LRRTM4: variants seen among roughly 807,000 people sequenced by gnomAD.
The protein encoded by LRRTM4 is leucine-rich repeat transmembrane neuronal protein 4.
LRRTM4 carries 25 observed loss-of-function variants against 47.6 expected under a neutral mutation model. That is an observed-to-expected ratio of 0.53 (90% CI 0.38 to 0.73). LRRTM4 has a LOEUF of 0.73. Among genes scored for constraint, LRRTM4 ranks in the 30% least tolerant of loss-of-function variants. The pLI is 0.00. For synonymous variants in LRRTM4, 311 were observed against 269.5 expected, an observed-to-expected ratio of 1.15 and a Z score of -1.51; for missense variants, 638 against 713.4, an observed-to-expected ratio of 0.89 and a Z score of 1.20.
chr2:77,205,338 T>C (rs1674092555), intron 3 of LRRTM4, among the ~76,000 whole-genome samples: 1 of 151,612 alleles, frequency 6.6e-6, no homozygotes, highest in Admixed American at 6.6e-5. Context: ...TGGAAGAAAA[T>C]AATATTGGGT....
chr2:76,935,446 T>C (rs550479380), intron 3 of LRRTM4, among the ~76,000 whole-genome samples: 24 of 152,072 alleles, frequency 1.6e-4, no homozygotes, highest in Non-Finnish European at 2.7e-4. Flanking sequence ...TTGGGCAGTA[T>C]GGCCATTTTC....
chr2:77,083,191 C>T (rs990483474), intron 3 of LRRTM4, among the ~76,000 whole-genome samples: 2 of 152,056 alleles, frequency 1.3e-5, no homozygotes, highest in Non-Finnish European at 2.9e-5. Context: ...GGTGGAATTC[C>T]ATGAAGGACA....
At chr2:77,176,905 T>G (rs1282433227) in intron 3 of LRRTM4, among the ~76,000 whole-genome samples, 2 of 152,124 alleles carry the variant, frequency 1.3e-5, no homozygotes, top group African/African-American at 4.8e-5. Flanking sequence ...TTGTGCTCAC[T>G]GGTCGTTATA....
intron 3 of LRRTM4, among the ~76,000 whole-genome samples, chr2:77,311,848 T>C (rs1228998230): frequency 1.3e-5 from 2 of 152,210 alleles, no homozygotes; most frequent in Admixed American, 1.3e-4. Flanking sequence ...AAAATAAAAT[T>C]AGAGTGGTCA....
chr2:77,361,464 T>C (rs556590004), intron 3 of LRRTM4, among the ~76,000 whole-genome samples: 1 of 152,280 alleles, frequency 6.6e-6, no homozygotes, highest in Non-Finnish European at 1.5e-5. Context: ...CTGTCTGTTT[T>C]GGCTTAATCT....
At chr2:77,172,150 C>G (rs1673065585) in intron 3 of LRRTM4, among the ~76,000 whole-genome samples, 1 of 152,032 alleles carries the variant, frequency 6.6e-6, no homozygotes, top group Non-Finnish European at 1.5e-5. Flanking sequence ...TAAAATAAGC[C>G]ATAAATATAA....
intron 3 of LRRTM4, among the ~76,000 whole-genome samples, chr2:77,485,139 T>C (rs1677858706): frequency 6.6e-6 from 1 of 152,046 alleles, no homozygotes; most frequent in African/African-American, 2.4e-5. Context: ...GATAATTTAC[T>C]AGACTCCTAA....
intron 3 of LRRTM4, among the ~76,000 whole-genome samples, chr2:77,156,985 A>G (rs1218763279): frequency 1.3e-5 from 2 of 151,972 alleles, no homozygotes; most frequent in East Asian, 3.8e-4. Context: ...TTACTATTCA[A>G]CTAACCTTTA....
chr2:77,004,616 G>A (rs1558791930), intron 3 of LRRTM4, among the ~76,000 whole-genome samples: 1 of 152,184 alleles, frequency 6.6e-6, no homozygotes, highest in Admixed American at 6.5e-5. Flanking sequence ...CCCACACAGA[G>A]TCCCCAATGG....
At chr2:77,503,140 C>CA (rs1412417015) in intron 3 of LRRTM4, among the ~76,000 whole-genome samples, 1 of 151,264 alleles carries the variant, frequency 6.6e-6, no homozygotes, top group Non-Finnish European at 1.5e-5. Context: ...TAACATGATC[C>CA]ACTTTTGTTT....
At chr2:77,502,086 G>A (rs1678590012) in intron 3 of LRRTM4, among the ~76,000 whole-genome samples, 1 of 151,354 alleles carries the variant, frequency 6.6e-6, no homozygotes, top group Admixed American at 6.6e-5. Context: ...TACCAAAACA[G>A]AATTGGAACC....
At chr2:77,021,850 C>T (rs545015019) in intron 3 of LRRTM4, among the ~76,000 whole-genome samples, 3 of 152,258 alleles carry the variant, frequency 2.0e-5, no homozygotes, top group African/African-American at 2.4e-5. Flanking sequence ...TTCATATACA[C>T]ATACATTGTT....
intron 3 of LRRTM4, among the ~76,000 whole-genome samples, chr2:77,040,835 G>A (rs929706793): frequency 6.6e-6 from 1 of 151,354 alleles, no homozygotes; most frequent in Non-Finnish European, 1.5e-5. Context: ...TATTGATGGG[G>A]TAAAGTGTAT....
At chr2:77,365,436 A>C (rs533256799) in intron 3 of LRRTM4, among the ~76,000 whole-genome samples, 1 of 152,134 alleles carries the variant, frequency 6.6e-6, no homozygotes, top group African/African-American at 2.4e-5. Flanking sequence ...GCAACGTGAA[A>C]AGCTCTTATG....
At chr2:77,138,272 C>A (rs1283251113) in intron 3 of LRRTM4, among the ~76,000 whole-genome samples, 1 of 152,172 alleles carries the variant, frequency 6.6e-6, no homozygotes, top group African/African-American at 2.4e-5. Flanking sequence ...AACAAACTGT[C>A]TCTCAGACCA....
intron 3 of LRRTM4, among the ~76,000 whole-genome samples, chr2:77,236,849 C>T (rs1675116019): frequency 6.6e-6 from 1 of 151,916 alleles, no homozygotes; most frequent in African/African-American, 2.4e-5. Flanking sequence ...TCAAAGAAAC[C>T]TTGCATCACA....
chr2:76,871,523 G>A (rs1397913066), intron 3 of LRRTM4, among the ~76,000 whole-genome samples: 1 of 152,088 alleles, frequency 6.6e-6, no homozygotes, highest in Non-Finnish European at 1.5e-5. Flanking sequence ...CATAACCTAT[G>A]CATCCCAAGC....
At position 77,224,038 on chromosome 2, in the gene LRRTM4, C is replaced by G. The variant is rs1232781717; in HGVS notation, c.1551+294280G>C. Among the ~76,000 whole-genome samples the G allele has an allele frequency of 2.6e-5, 4 of 151,220 alleles. 1 individual carries two copies. Among genetic ancestry groups the G allele is most frequent in the Admixed American group, 2.0e-4 (3 of 15,140 alleles). The stretch of plus-strand genomic sequence containing the variant: ...TATAGACCAATGGAACAGAACAGAG[C>G]CCTCAGAAATGATGCCGCATATCTA... On this transcript the variant is annotated intron_variant, in intron 3 of 3. Coordinates refer to ENST00000409884, the MANE Select transcript of LRRTM4 (RefSeq NM_001134745.3).
At chr2:77,499,293 C>T (rs1422231909) in intron 3 of LRRTM4, among the ~76,000 whole-genome samples, 3 of 151,844 alleles carry the variant, frequency 2.0e-5, no homozygotes, top group Non-Finnish European at 4.4e-5. Flanking sequence ...AGATGCTTTC[C>T]TAGTTCAGGA....
Sources: allele counts gnomAD v4.1 joint callset (sites outside exome capture counted in the v4.1 genomes callset), GRCh38; gene constraint gnomAD v4.1.1; transcripts MANE v1.5; gene names NCBI Gene and HGNC (gene_info 2026-07-23, HGNC 2026-07-21).